The following CAPN5 variants were observed in gnomAD, a reference collection of about 807,000 sequenced individuals.
CAPN5 encodes the protein calpain 5, also known as calpain-5.
In CAPN5, 54 loss-of-function variants were observed where a neutral mutation model predicts 73.0. The observed-to-expected ratio is 0.74, with a 90% CI of 0.59 to 0.93. The LOEUF (loss-of-function observed/expected upper bound fraction) is 0.93. CAPN5 is among the 40% of genes least tolerant of loss of function. The pLI is 0.00. For synonymous variants in CAPN5, 335 were observed against 356.9 expected (o/e 0.94, Z 0.69); for missense variants, 785 against 882.9 (o/e 0.89, Z 1.41).
chr11:77,108,348 C>T (rs1409418874), intron 3 of CAPN5, among the ~76,000 whole-genome samples: 1 of 152,138 alleles, frequency 6.6e-6, no homozygotes, highest in Non-Finnish European at 1.5e-5. Context: ...GCAGAAGGTG[C>T]CTCAAAGCTG....
At chr11:77,096,396 G>T (rs530910867) in intron 3 of CAPN5, among the ~76,000 whole-genome samples, 1 of 152,190 alleles carries the variant, frequency 6.6e-6, no homozygotes, top group Non-Finnish European at 1.5e-5. Context: ...GGGTCGTGGA[G>T]GATTAAAGGG....
At chr11:77,122,476 TG>T (rs1950530148) in intron 11 of CAPN5, 99 bp from the exon 12 acceptor site, 1 of 1,040,048 alleles carries the variant, frequency 9.6e-7, no homozygotes, top group Non-Finnish European at 1.4e-6. Flanking sequence ...TCTCTCCATC[TG>T]AATAACTGAG....
intron 2 of CAPN5, chr11:77,087,798 C>T: frequency 8.9e-7 from 1 of 1,120,240 alleles, no homozygotes; most frequent in Non-Finnish European, 1.2e-6. Flanking sequence ...TGTTGGGGAC[C>T]TAGAGCCACC....
At chr11:77,116,175 G>T in intron 6 of CAPN5, 51 bp from the exon 7 acceptor site, 1 of 1,528,184 alleles carries the variant, frequency 6.5e-7, no homozygotes, top group South Asian at 1.2e-5. Flanking sequence ...GATTCTGGTG[G>T]GGCTGCCTCT....
intron 3 of CAPN5, among the ~76,000 whole-genome samples, chr11:77,097,468 T>TTTTG (rs1277148066): frequency 7.3e-6 from 1 of 136,112 alleles, no homozygotes; most frequent in Non-Finnish European, 1.5e-5. Flanking sequence ...CTTCTAGTTT[T>TTTTG]TTTTTTTTTT....
intron 1 of CAPN5, among the ~76,000 whole-genome samples, chr11:77,076,609 C>T (rs1241607904): frequency 4.6e-5 from 7 of 152,178 alleles, no homozygotes. Context: ...TGAGTAAGAT[C>T]ATGTGTTATT....
chr11:77,114,987 C>G (rs150264449), intron 5 of CAPN5, among the ~76,000 whole-genome samples: 3,215 of 151,964 alleles, frequency 0.021, 116 homozygotes, highest in African/African-American at 0.071. Flanking sequence ...TGCTTGAACC[C>G]GGGAGGCAGA....
intron 3 of CAPN5, among the ~76,000 whole-genome samples, chr11:77,109,526 C>T (rs1040230382): frequency 6.6e-6 from 1 of 152,126 alleles, no homozygotes; most frequent in Non-Finnish European, 1.5e-5. Flanking sequence ...TCAAATTAGC[C>T]CATCTTTGGC....
intron 1 of CAPN5, among the ~76,000 whole-genome samples, chr11:77,080,684 A>G (rs1950019018): frequency 6.6e-6 from 1 of 152,140 alleles, no homozygotes; most frequent in Admixed American, 6.5e-5. Context: ...AGGAGTACCA[A>G]CCATGTCCCA....
intron 3 of CAPN5, among the ~76,000 whole-genome samples, chr11:77,101,552 G>A (rs1950284681): frequency 6.6e-6 from 1 of 152,114 alleles, no homozygotes; most frequent in Non-Finnish European, 1.5e-5. Context: ...AACAGGACCG[G>A]GTATTCTGTC....
rs1196060603 is a variant in CAPN5 at position 77,116,413 on chromosome 11, A to C, written c.971+110A>C. ...CCAGGCCTCTCCTGCATGCCCCATCATCAATTTGCTGTGTGGCCTTGGACA... is the reference window on the plus strand; with the variant it reads ...CCAGGCCTCTCCTGCATGCCCCATCCTCAATTTGCTGTGTGGCCTTGGACA... On this transcript the variant is annotated intron_variant, in intron 7 of 12. Coordinates refer to ENST00000648180, the MANE Select transcript of CAPN5 (RefSeq NM_004055.5). 7.6e-6 allele frequency: 6 copies of C among 791,770 alleles called. No individual in the cohort carries two copies. The African/African-American group carries it at 1.0e-4, about 14-fold the overall frequency. The allele number at this position is 791,770 out of a possible 1,614,324, so 49.0% of individuals were successfully genotyped here. A position where few individuals can be genotyped will look rare whatever the true frequency, so the allele number is the denominator to read the frequency against.
At chr11:77,100,937 C>G (rs1950277236) in intron 3 of CAPN5, among the ~76,000 whole-genome samples, 1 of 152,218 alleles carries the variant, frequency 6.6e-6, no homozygotes, top group Non-Finnish European at 1.5e-5. Context: ...CGGAACTGCT[C>G]TCCCTGGAGG....
rs782239309 is a variant in CAPN5 at position 77,114,444 on chromosome 11, C to T, written c.699+10C>T. The T allele has an allele frequency of 8.7e-6, 14 of 1,612,444 alleles. No individual in the cohort carries two copies. The highest frequency in any genetic ancestry group is 4.5e-5 in the East Asian group (2 of 44,868). On this transcript the variant is annotated intron_variant, in intron 5 of 12. Transcript: ENST00000648180. ...CAGTGCCTCCATCAAGGTGAGAACA[C>T]GGCAGTCCCCAGAGGCGACCCCTCC...
intron 1 of CAPN5, among the ~76,000 whole-genome samples, chr11:77,081,868 G>C (rs1950031472): frequency 6.6e-6 from 1 of 152,132 alleles, no homozygotes; most frequent in Non-Finnish European, 1.5e-5. Context: ...GCTGGCGTCT[G>C]TGATGTGGAA....
chr11:77,076,546 C>A (rs894467867), intron 1 of CAPN5, among the ~76,000 whole-genome samples: 2 of 152,150 alleles, frequency 1.3e-5, no homozygotes, highest in Admixed American at 6.5e-5. Context: ...TTCCTGTTAA[C>A]CACCATTTTA....
At chr11:77,086,128 T>C (rs1322285078) in intron 2 of CAPN5, among the ~76,000 whole-genome samples, 2 of 152,200 alleles carry the variant, frequency 1.3e-5, no homozygotes, top group Non-Finnish European at 2.9e-5. Context: ...GGGGCCAAGA[T>C]GCTCGACCTT....
intron 1 of CAPN5, among the ~76,000 whole-genome samples, chr11:77,070,640 C>G (rs1054941785): frequency 6.6e-6 from 1 of 152,220 alleles, no homozygotes; most frequent in Non-Finnish European, 1.5e-5. Context: ...AGAGCATATT[C>G]CTTTCCTATC....
Position 77,085,682 on chromosome 11 carries a change from A to G in CAPN5, c.165+631A>G, listed in dbSNP as rs1389465915. On this transcript the variant is annotated intron_variant, in intron 2 of 12. Coordinates refer to ENST00000648180, the MANE Select transcript of CAPN5 (RefSeq NM_004055.5). ...CACTCCTTTTGGTCCCTGAGGCTAG[A>G]GTGTGTTACACAGAAATGTTTGGCC... 2.7e-5 allele frequency among the ~76,000 whole-genome samples: 4 copies of G among 148,608 alleles called. No individual in the cohort carries two copies. The East Asian group carries it at 8.4e-4, about 31-fold the overall frequency.
Position 77,125,596 on chromosome 11 carries a change from T to G in CAPN5, c.*1726T>G, listed in dbSNP as rs1950566486. Reference sequence around the variant, plus strand: ...AAAATAATACCCCTTTCTCTATGTATCTCTGTATGCACACGCACTATATAT... The same window carrying G: ...AAAATAATACCCCTTTCTCTATGTAGCTCTGTATGCACACGCACTATATAT... On this transcript the variant is annotated 3_prime_UTR_variant, in exon 13 of 13. Transcript: ENST00000648180. 2 of 148,640 alleles carry G rather than the reference T, an allele frequency of 1.3e-5. No individual in the cohort carries two copies. Among genetic ancestry groups the G allele is most frequent in the South Asian group, 4.3e-4 (2 of 4,704 alleles). 9.2% of individuals were successfully genotyped at this position (148,640 alleles called of 1,614,324 possible).
Sources: allele counts gnomAD v4.1 joint callset (sites outside exome capture counted in the v4.1 genomes callset), GRCh38; gene constraint gnomAD v4.1.1; transcripts MANE v1.5; gene names NCBI Gene and HGNC (gene_info 2026-07-23, HGNC 2026-07-21).